PAK1: variants seen among roughly 807,000 people sequenced by gnomAD.
The protein encoded by PAK1 is serine/threonine-protein kinase PAK 1.
In PAK1, 29 loss-of-function variants were observed where a neutral mutation model predicts 67.4. The observed-to-expected ratio is 0.43, with a 90% CI of 0.32 to 0.59. PAK1 has a LOEUF of 0.59. PAK1 is among the 20% of genes least tolerant of loss of function. The pLI, the probability that PAK1 is intolerant of heterozygous loss-of-function variation, is 0.07. For synonymous variants in PAK1, 223 were observed against 237.4 expected (o/e 0.94, Z 0.56); for missense variants, 337 against 670.7 (o/e 0.50, Z 5.50).
At chr11:77,428,298 T>C (rs1335132784) in intron 1 of PAK1, among the ~76,000 whole-genome samples, 1 of 152,108 alleles carries the variant, frequency 6.6e-6, no homozygotes. Context: ...GCGCGGTGGC[T>C]CACACCTGTA....
chr11:77,484,104 C>T, the PAK1 span, among the ~76,000 whole-genome samples: 7 of 151,184 alleles, frequency 4.6e-5, no homozygotes, highest in African/African-American at 7.3e-5. Flanking sequence ...GTGTAGGGTG[C>T]CATAGCAAAC....
intron 1 of PAK1, among the ~76,000 whole-genome samples, chr11:77,429,490 A>AAT (rs1225193781): frequency 1.3e-5 from 2 of 152,242 alleles, no homozygotes; most frequent in Non-Finnish European, 1.5e-5. Context: ...AATGAACATC[A>AAT]ATAGTCATGG....
At chr11:77,402,891 A>G (rs750758382) in intron 1 of PAK1, among the ~76,000 whole-genome samples, 3 of 152,120 alleles carry the variant, frequency 2.0e-5, no homozygotes, top group Non-Finnish European at 4.4e-5. Context: ...ACCCATGATC[A>G]CTCAAACTCT....
intron 14 of PAK1, among the ~76,000 whole-genome samples, chr11:77,326,020 CCTGCT>C (rs1939737492): frequency 6.6e-6 from 1 of 152,096 alleles, no homozygotes; most frequent in Non-Finnish European, 1.5e-5. Flanking sequence ...CCTGCCCTGC[CCTGCT>C]CTGTCACTTC....
At chr11:77,449,125 A>AC (rs1956743136) in intron 1 of PAK1, among the ~76,000 whole-genome samples, 1 of 152,204 alleles carries the variant, frequency 6.6e-6, no homozygotes, top group Admixed American at 6.5e-5. Flanking sequence ...TGGGCTAAGA[A>AC]CCCCAGGCTT....
intron 1 of PAK1, among the ~76,000 whole-genome samples, chr11:77,458,805 C>T (rs763160843): frequency 4.6e-5 from 7 of 152,034 alleles, no homozygotes; most frequent in Non-Finnish European, 7.4e-5. Context: ...GAATATATGT[C>T]GAGGGAGTGC....
At chr11:77,350,247 T>C (rs1054398398) in intron 8 of PAK1, among the ~76,000 whole-genome samples, 6 of 152,198 alleles carry the variant, frequency 3.9e-5, no homozygotes, top group African/African-American at 1.4e-4. Flanking sequence ...TTTTCAAACA[T>C]AAAATGATAT....
intron 6 of PAK1, among the ~76,000 whole-genome samples, chr11:77,358,446 T>G (rs1317134332): frequency 6.6e-6 from 1 of 152,200 alleles, no homozygotes; most frequent in Non-Finnish European, 1.5e-5. Context: ...ATAGCACTAA[T>G]GTATTTATAT....
chr11:77,473,357 T>A (rs146745630), intron 1 of PAK1, 195 bp downstream of exon 1: 1 of 152,050 alleles, frequency 6.6e-6, no homozygotes, highest in Non-Finnish European at 1.5e-5. Context: ...CAGGGGGCCT[T>A]TGTTGGCCCG....
At chr11:77,499,580 T>G in the PAK1 span, among the ~76,000 whole-genome samples, 26 of 152,198 alleles carry the variant, frequency 1.7e-4, no homozygotes, top group African/African-American at 6.3e-4. Flanking sequence ...GGGAAGTCTT[T>G]CATGCCCACT....
chr11:77,380,172 T>C (rs1949631674), intron 2 of PAK1, among the ~76,000 whole-genome samples, 178 bp from the exon 3 acceptor site: 1 of 152,112 alleles, frequency 6.6e-6, no homozygotes, highest in Non-Finnish European at 1.5e-5. Flanking sequence ...CAATGCATGT[T>C]TAAAGACTTA....
the PAK1 span, among the ~76,000 whole-genome samples, chr11:77,485,426 A>T: frequency 6.6e-6 from 1 of 152,284 alleles, no homozygotes; most frequent in Admixed American, 6.5e-5. Flanking sequence ...TATTCCATAT[A>T]CCTCATAAAT....
chr11:77,463,000 T>TGG (rs1185924220), intron 1 of PAK1, among the ~76,000 whole-genome samples: 3 of 25,164 alleles, frequency 1.2e-4, no homozygotes, highest in Non-Finnish European at 1.5e-4. Flanking sequence ...GGGGGTGGGG[T>TGG]GGGGGGGCTT....
At chr11:77,475,087 C>G (rs1958037274), upstream of PAK1, 1 of 152,060 alleles carries the variant, frequency 6.6e-6, no homozygotes, top group African/African-American at 2.4e-5. Flanking sequence ...AGTAACAAGC[C>G]CTTTAGAATG....
the PAK1 span, among the ~76,000 whole-genome samples, chr11:77,523,420 CTTT>C: frequency 2.9e-5 from 4 of 140,308 alleles, no homozygotes; most frequent in Non-Finnish European, 1.6e-5. Flanking sequence ...ATGCTTTCTA[CTTT>C]TTTTTTTTTT....
At chr11:77,407,056 G>T (rs570510471) in intron 1 of PAK1, among the ~76,000 whole-genome samples, 1 of 152,052 alleles carries the variant, frequency 6.6e-6, no homozygotes, top group South Asian at 2.1e-4. Flanking sequence ...TTTTTTATAT[G>T]ATTATTTTTA....
chr11:77,507,058 G>A, the PAK1 span, among the ~76,000 whole-genome samples: 7 of 152,214 alleles, frequency 4.6e-5, no homozygotes, highest in African/African-American at 9.6e-5. Context: ...GAATGACCGA[G>A]TATGGATCTA....
At chr11:77,519,586 A>T in the PAK1 span, among the ~76,000 whole-genome samples, 1 of 152,196 alleles carries the variant, frequency 6.6e-6, no homozygotes, top group African/African-American at 2.4e-5. Context: ...AGAAGCTTTT[A>T]ATCTAATTCT....
intron 14 of PAK1, among the ~76,000 whole-genome samples, chr11:77,332,174 G>T (rs1361132537): frequency 6.7e-6 from 1 of 148,960 alleles, no homozygotes; most frequent in African/African-American, 2.5e-5. Context: ...CAGGTATGGT[G>T]GCGTGCACCT....
Sources: allele counts gnomAD v4.1 joint callset (sites outside exome capture counted in the v4.1 genomes callset), GRCh38; gene constraint gnomAD v4.1.1; transcripts MANE v1.5; gene names NCBI Gene and HGNC (gene_info 2026-07-23, HGNC 2026-07-21).